Variants in LRRC4C observed in about 807,000 individuals in gnomAD.
LRRC4C encodes leucine rich repeat containing 4C.
LRRC4C carries 5 observed loss-of-function variants against 33.6 expected under a neutral mutation model. The observed-to-expected ratio is 0.15, with a 90% CI of 0.08 to 0.31. The LOEUF (loss-of-function observed/expected upper bound fraction) is 0.31. Among genes scored for constraint, LRRC4C ranks in the 10% least tolerant of loss-of-function variants. The probability of loss-of-function intolerance (pLI) is 1.00; values close to 1 mark genes in which losing one functional copy is unlikely to be tolerated. For missense variants in LRRC4C, 560 were observed against 796.7 expected (o/e 0.70, Z 3.58); for synonymous variants, 329 against 302.0 (o/e 1.09, Z -0.93).
chr11:40,615,240 A>T (rs983336470), intron 3 of LRRC4C, among the ~76,000 whole-genome samples: 11 of 68,766 alleles, frequency 1.6e-4, no homozygotes, highest in South Asian at 1.4e-3. Flanking sequence ...GATTTATTTT[A>T]TATATATATA....
At chr11:41,181,543 C>A (rs971096562) in intron 1 of LRRC4C, among the ~76,000 whole-genome samples, 4 of 152,160 alleles carry the variant, frequency 2.6e-5, no homozygotes, top group East Asian at 1.9e-4. Flanking sequence ...GTTGTTATTA[C>A]CCTAATGAGT....
At chr11:41,443,684 C>T (rs1167636080) in intron 1 of LRRC4C, among the ~76,000 whole-genome samples, 1 of 151,454 alleles carries the variant, frequency 6.6e-6, no homozygotes, top group African/African-American at 2.4e-5. Context: ...GGTGCAATCT[C>T]AGCTCACTGC....
Position 41,334,861 on chromosome 11 carries a change from G to GAAAC in LRRC4C, c.-496+124566_-496+124569dup, listed in dbSNP as rs149848168. 5.6e-3 allele frequency among the ~76,000 whole-genome samples: 844 copies of GAAAC among 150,744 alleles called. 4 individuals carry two copies. Among genetic ancestry groups the GAAAC allele is most frequent in the South Asian group, 0.015 (71 of 4,764 alleles). ...GAGAAAGACCATGTCTCCAAAGAAC[G>GAAAC]AAACAAACAAACAAACAAACAAACA... On this transcript the variant is annotated intron_variant, in intron 1 of 6. Coordinates refer to ENST00000528697, the MANE Select transcript of LRRC4C (RefSeq NM_001258419.2).
intron 1 of LRRC4C, among the ~76,000 whole-genome samples, chr11:41,089,524 T>C (rs1296396613): frequency 6.6e-6 from 1 of 152,044 alleles, no homozygotes; most frequent in Non-Finnish European, 1.5e-5. Context: ...CCAGTTTTCA[T>C]AGGATCATTG....
At chr11:41,126,064 T>C (rs561788841) in intron 1 of LRRC4C, among the ~76,000 whole-genome samples, 23 of 152,016 alleles carry the variant, frequency 1.5e-4, no homozygotes, top group Non-Finnish European at 2.9e-4. Flanking sequence ...ATTAGTAATT[T>C]TAAAAATGTC....
At chr11:41,304,316 G>A (rs1950397679) in intron 1 of LRRC4C, among the ~76,000 whole-genome samples, 1 of 111,638 alleles carries the variant, frequency 9.0e-6, no homozygotes, top group Non-Finnish European at 1.9e-5. Context: ...GAGCCCCTCT[G>A]CCCGGCCAGC....
At chr11:40,970,654 T>C (rs1484306115) in intron 1 of LRRC4C, among the ~76,000 whole-genome samples, 1 of 151,530 alleles carries the variant, frequency 6.6e-6, no homozygotes, top group Non-Finnish European at 1.5e-5. Context: ...GTTGGAAGAG[T>C]TTGGAGGGCT....
chr11:41,457,753 T>C (rs78845620), intron 1 of LRRC4C, among the ~76,000 whole-genome samples: 5,374 of 152,156 alleles, frequency 0.035, 144 homozygotes, highest in Non-Finnish European at 0.053. Flanking sequence ...GACAGGAGTC[T>C]TCCCATGGTA....
chr11:40,164,993 T>TA (rs1189720785), intron 5 of LRRC4C, among the ~76,000 whole-genome samples: 2 of 152,166 alleles, frequency 1.3e-5, no homozygotes, highest in African/African-American at 4.8e-5. Context: ...CCAGGAATCT[T>TA]AAAAATGTAA....
chr11:41,195,192 A>G (rs1946129633), intron 1 of LRRC4C, among the ~76,000 whole-genome samples: 1 of 152,120 alleles, frequency 6.6e-6, no homozygotes, highest in Non-Finnish European at 1.5e-5. Context: ...TTAGGTTAAC[A>G]AAACAAAACA....
At chr11:41,267,871 AGCTTTTTT>A (rs1295769629) in intron 1 of LRRC4C, among the ~76,000 whole-genome samples, 1 of 152,132 alleles carries the variant, frequency 6.6e-6, no homozygotes, top group Admixed American at 6.6e-5. Flanking sequence ...AAATAATTTT[AGCTTTTTT>A]GTTTAGTATG....
chr11:40,546,076 T>TC (rs1956904268), intron 3 of LRRC4C, among the ~76,000 whole-genome samples: 1 of 67,254 alleles, frequency 1.5e-5, no homozygotes, highest in African/African-American at 5.2e-5. Flanking sequence ...CTTCCTTCCT[T>TC]CCTTCCTACC....
At chr11:40,732,265 T>A (rs1032684798) in intron 2 of LRRC4C, among the ~76,000 whole-genome samples, 1 of 152,096 alleles carries the variant, frequency 6.6e-6, no homozygotes, top group Admixed American at 6.5e-5. Context: ...TCCAGCTAAC[T>A]CAAATTGTAG....
At chr11:40,910,405 G>C (rs1265116286) in intron 2 of LRRC4C, among the ~76,000 whole-genome samples, 1 of 152,152 alleles carries the variant, frequency 6.6e-6, no homozygotes, top group African/African-American at 2.4e-5. Flanking sequence ...ATTATCATCT[G>C]GTTATGGAAA....
intron 2 of LRRC4C, among the ~76,000 whole-genome samples, chr11:40,906,551 C>T (rs759927627): frequency 1.3e-5 from 2 of 152,080 alleles, no homozygotes; most frequent in African/African-American, 2.4e-5. Flanking sequence ...AACAAACCTA[C>T]ATATAGTGTA....
intron 1 of LRRC4C, among the ~76,000 whole-genome samples, chr11:41,156,196 G>T (rs1944225519): frequency 6.6e-6 from 1 of 152,058 alleles, no homozygotes; most frequent in Admixed American, 6.6e-5. Context: ...TGCTGTGATT[G>T]CAGGATAGAA....
At chr11:41,021,156 TGAGAGAGAGAGAGAGAGA>T (rs71060991) in intron 1 of LRRC4C, among the ~76,000 whole-genome samples, 17,840 of 127,080 alleles carry the variant, frequency 0.14, 1,524 homozygotes, top group Middle Eastern at 0.19. Context: ...ATCGTGCATC[TGAGAGAGAGAGAGAGAGA>T]GAGAGAGAGA....
intron 3 of LRRC4C, among the ~76,000 whole-genome samples, chr11:40,354,673 A>G (rs1402603205): frequency 3.3e-5 from 5 of 152,150 alleles, no homozygotes; most frequent in African/African-American, 9.6e-5. Flanking sequence ...CCAAGGCCCA[A>G]GGGCTCTTTA....
intron 3 of LRRC4C, among the ~76,000 whole-genome samples, chr11:40,538,146 A>G (rs2135365015): frequency 6.6e-6 from 1 of 152,314 alleles, no homozygotes; most frequent in East Asian, 1.9e-4. Context: ...TGGGGTGCAC[A>G]TGGAAAAATC....
Sources: gnomAD v4.1 joint callset for allele counts (sites outside exome capture counted in the v4.1 genomes callset) on GRCh38, gnomAD v4.1.1 for gene constraint, MANE v1.5 for transcripts, NCBI Gene and HGNC (gene_info 2026-07-23, HGNC 2026-07-21) for gene names.